The following SLC20A2 variants were observed in gnomAD, a reference collection of about 807,000 sequenced individuals.
SLC20A2 encodes solute carrier family 20 member 2, also known as sodium-dependent phosphate transporter 2.
A neutral mutation model predicts 61.0 loss-of-function variants in SLC20A2; 30 were observed. The observed-to-expected ratio is 0.49, with a 90% CI of 0.37 to 0.67. SLC20A2 has a LOEUF of 0.67. Ranked by LOEUF, SLC20A2 falls within the 30% of genes least tolerant of loss-of-function variation. The pLI is 0.00. For missense variants in SLC20A2, 626 were observed against 866.4 expected (o/e 0.72, Z 3.48); for synonymous variants, 351 against 353.3 (o/e 0.99, Z 0.07).
At chr8:42,435,400 A>G (rs1047924015) in intron 8 of SLC20A2, among the ~76,000 whole-genome samples, 3 of 152,152 alleles carry the variant, frequency 2.0e-5, no homozygotes, top group African/African-American at 7.2e-5. Flanking sequence ...ACGGACAGAA[A>G]CCGAGCGAGT....
intron 1 of SLC20A2, among the ~76,000 whole-genome samples, chr8:42,516,997 C>G (rs899102513): frequency 1.3e-5 from 2 of 152,128 alleles, no homozygotes; most frequent in African/African-American, 4.8e-5. Context: ...CCGTCCACCA[C>G]CCCCCAAGCA....
intron 5 of SLC20A2, among the ~76,000 whole-genome samples, chr8:42,457,343 G>T (rs1489820414): frequency 6.6e-6 from 1 of 152,112 alleles, no homozygotes; most frequent in African/African-American, 2.4e-5. Flanking sequence ...ACCTGTGACT[G>T]GGATTTCACC....
intron 1 of SLC20A2, among the ~76,000 whole-genome samples, chr8:42,522,916 GGTC>G (rs1811678378): frequency 2.1e-5 from 3 of 146,030 alleles, no homozygotes; most frequent in Admixed American, 6.7e-5. Context: ...GGGTGGGGGG[GGTC>G]TCTCTGTGTT....
At position 42,437,421 on chromosome 8, in the gene SLC20A2, T is replaced by G. The variant is rs1305696019; in HGVS notation, c.1091A>C (p.Asp364Ala). The G allele has an allele frequency of 3.1e-6, 5 of 1,614,100 alleles. 1 individual carries two copies. In the Admixed American group the frequency reaches 8.3e-5, roughly 27 times the overall value. Reference sequence around the variant, plus strand: ...GGCTGGCTTCTCCTCGGGGCCCCTGTCGATGTGGATTTTGTGCAGCAGATC... The same window carrying G: ...GGCTGGCTTCTCCTCGGGGCCCCTGGCGATGTGGATTTTGTGCAGCAGATC... ...YKDLLHKIHIDRGPEEKPAQE... is the reference protein window; with the variant it reads ...YKDLLHKIHIARGPEEKPAQE... The change falls in exon 8 of 11, where the codon GAC (aspartate) becomes GCC (alanine). Residue 364 changes from aspartate to alanine, a missense_variant. Physicochemically the swap from Asp to Ala is moderately radical, Grantham distance 126. Around this residue, in one of 3 missense-constraint regions of SLC20A2, gnomAD observed 361 missense variants for 422.3 expected, o/e 0.85. Transcript: ENST00000520262. This position sits in a 1 kb window ranked among gnomAD's most constrained non-coding sequence, Gnocchi z 6.4.
At position 42,430,078 on chromosome 8, in the gene SLC20A2, G is replaced by A. The variant is rs759817038; in HGVS notation, c.1695C>T (p.Pro565=). The A allele has an allele frequency of 6.2e-7, 1 of 1,610,752 alleles. No individual in the cohort carries two copies. The highest frequency in any genetic ancestry group is 1.3e-5 in the African/African-American group (1 of 74,930). ...VIQTMGKDLT[P]ITPSSGFTIE... ...CCCAGGCTTACCTGGACGGCGTGAT[G>A]GGAGTGAGGTCCTTCCCCATGGTCT... Residue 565 remains proline (P), a synonymous_variant, in exon 9 of 11, where the codon CCC becomes CCT. Transcript: ENST00000520262.
chr8:42,459,761 A>G (rs1321793067), intron 5 of SLC20A2, 135 bp downstream of exon 5: 4 of 582,278 alleles, frequency 6.9e-6, no homozygotes, highest in Non-Finnish European at 9.3e-6. Flanking sequence ...ATCAGCCAAC[A>G]ACTCCAGCAC....
intron 4 of SLC20A2, among the ~76,000 whole-genome samples, chr8:42,461,997 A>C (rs1806740665): frequency 1.3e-5 from 2 of 152,226 alleles, no homozygotes; most frequent in South Asian, 4.1e-4. Context: ...CAAGAAATGC[A>C]GCACCATATG....
chr8:42,460,227 C>A (rs1036827284), intron 4 of SLC20A2: 1 of 399,894 alleles, frequency 2.5e-6, no homozygotes, highest in Non-Finnish European at 4.7e-6. Flanking sequence ...TTGTGGCCAG[C>A]AGACACATTA....
chr8:42,438,049 CTAAAAAAAAAAACCAAAAAA>C, intron 7 of SLC20A2, among the ~76,000 whole-genome samples: 1 of 26,662 alleles, frequency 3.8e-5, no homozygotes, highest in African/African-American at 8.6e-5. Context: ...ATGGTTACCA[CTAAAAAAAAAAACCAAAAAA>C]AAAAAAAAAA....
At chr8:42,457,463 C>A (rs1806301084) in intron 5 of SLC20A2, among the ~76,000 whole-genome samples, 1 of 151,956 alleles carries the variant, frequency 6.6e-6, no homozygotes, top group Non-Finnish European at 1.5e-5. Flanking sequence ...AGTCTGGAAG[C>A]CCCACAGTGA....
At chr8:42,456,330 C>T (rs576390672) in intron 5 of SLC20A2, among the ~76,000 whole-genome samples, 55 of 152,336 alleles carry the variant, frequency 3.6e-4, no homozygotes, top group Non-Finnish European at 6.0e-4. Context: ...CAGAAGGCGT[C>T]CTCAGCTTTC....
At chr8:42,444,860 C>A in intron 5 of SLC20A2, 98 bp from the exon 6 acceptor site, 1 of 783,030 alleles carries the variant, frequency 1.3e-6, no homozygotes, top group South Asian at 1.5e-5. Flanking sequence ...GAGAACGAAT[C>A]ACCTGGATTT....
At chr8:42,461,979 C>T (rs1318295582) in intron 4 of SLC20A2, among the ~76,000 whole-genome samples, 2 of 152,186 alleles carry the variant, frequency 1.3e-5, no homozygotes, top group African/African-American at 2.4e-5. Context: ...AGTGAACAGG[C>T]AACTAAGCAA....
chr8:42,437,501 G>A lies in SLC20A2; in HGVS notation c.1011C>T (p.Thr337=), dbSNP rs116359869. The A allele has an allele frequency of 6.2e-7, 1 of 1,614,126 alleles. No homozygotes were observed. The highest frequency in any genetic ancestry group is 8.5e-7 in the Non-Finnish European group (1 of 1,180,026). ...SNGTFGFDGH[T]RSDGHVYHTV... ...TGTGGTACACATGACCGTCGCTCCT[G>A]GTGTGGCCGTCGAAGCCGAAGGTGC... Residue 337 remains threonine (T), a synonymous_variant, in exon 8 of 11, where the codon ACC becomes ACT. Transcript: ENST00000520262. This position sits in a 1 kb window ranked among gnomAD's most constrained non-coding sequence, Gnocchi z 6.4.
intron 1 of SLC20A2, among the ~76,000 whole-genome samples, chr8:42,485,791 C>CA (rs1385069655): frequency 6.6e-6 from 1 of 150,740 alleles, no homozygotes; most frequent in Non-Finnish European, 1.5e-5. Flanking sequence ...ACTGAAAATA[C>CA]AAAAATTGGC....
chr8:42,485,345 GAA>G (rs1808889949), intron 1 of SLC20A2, among the ~76,000 whole-genome samples: 1 of 152,164 alleles, frequency 6.6e-6, no homozygotes, highest in African/African-American at 2.4e-5. Context: ...TTTTCCTTTA[GAA>G]AACTTGGGGC....
At chr8:42,501,604 T>C (rs770344513), upstream of SLC20A2, 2 of 152,232 alleles carry the variant, frequency 1.3e-5, no homozygotes, top group Non-Finnish European at 2.9e-5. Flanking sequence ...AGACACAGAA[T>C]ATACATATCA....
At chr8:42,442,834 T>C (rs750356459) in intron 6 of SLC20A2, among the ~76,000 whole-genome samples, 2 of 152,210 alleles carry the variant, frequency 1.3e-5, no homozygotes, top group Non-Finnish European at 2.9e-5. Flanking sequence ...TTGTCTCATG[T>C]ATTTTGGTCT....
chr8:42,459,811 G>T, intron 5 of SLC20A2, 85 bp downstream of exon 5: 1 of 883,958 alleles, frequency 1.1e-6, no homozygotes, highest in Non-Finnish European at 1.8e-6. Context: ...TTTACTGTCA[G>T]CCAACAATAC....
Sources: gnomAD v4.1 joint callset for allele counts (sites outside exome capture counted in the v4.1 genomes callset) on GRCh38, gnomAD v4.1.1 for gene constraint, gnomAD v4.1.1 regional missense constraint, Gnocchi (gnomAD v3.1) non-coding constraint, MANE v1.5 for transcripts, NCBI Gene and HGNC (gene_info 2026-07-23, HGNC 2026-07-21) for gene names.